The following ZMYND10 variants were observed in gnomAD, a reference collection of about 807,000 sequenced individuals.
ZMYND10 encodes zinc finger MYND-type containing 10, also known as zinc finger MYND domain-containing protein 10.
In ZMYND10, 52 loss-of-function variants were observed where a neutral mutation model predicts 62.6. That is an observed-to-expected ratio of 0.83 (90% CI 0.67 to 1.05). ZMYND10 has a LOEUF of 1.05. Ranked by LOEUF, ZMYND10 falls within the 50% of genes least tolerant of loss-of-function variation. ZMYND10 has a pLI of 0.00. For synonymous variants in ZMYND10, 197 were observed against 218.5 expected, an observed-to-expected ratio of 0.90 and a Z score of 0.87; for missense variants, 438 against 543.3, an observed-to-expected ratio of 0.81 and a Z score of 1.93.
intron 2 of ZMYND10, among the ~76,000 whole-genome samples, chr3:50,344,594 C>T (rs1201333420): frequency 1.3e-5 from 2 of 149,756 alleles, no homozygotes; most frequent in Non-Finnish European, 3.0e-5. Context: ...GCTGGGATAA[C>T]AGGCATGAGC....
chr3:50,344,237 A>G (rs1021701829), intron 2 of ZMYND10, among the ~76,000 whole-genome samples: 1 of 149,320 alleles, frequency 6.7e-6, no homozygotes, highest in African/African-American at 2.5e-5. Flanking sequence ...CCTCACTCCT[A>G]CTCAGGACCC....
chr3:50,341,208 A>C lies in ZMYND10; in HGVS notation c.*202T>G, dbSNP rs776804413. 1 of 686,522 alleles carries C rather than the reference A, an allele frequency of 1.5e-6. No homozygotes were observed. Among genetic ancestry groups the C allele is most frequent in the East Asian group, 2.7e-5 (1 of 36,800 alleles). 42.5% of individuals were successfully genotyped at this position (686,522 alleles called of 1,614,324 possible). A position where few individuals can be genotyped will look rare whatever the true frequency, so the allele number is the denominator to read the frequency against. The stretch of plus-strand genomic sequence containing the variant: ...TTTGCTGAAGCAACACACTTGGCCT[A>C]CCCACTGGGTGGGGCAGGAAGTCTC... On this transcript the variant is annotated 3_prime_UTR_variant, in exon 12 of 12. Transcript: ENST00000231749.
In ZMYND10 at chr3:50,345,460, G is replaced by C; in HGVS notation, c.92+28C>G. ...TCCCCGACTCAAGGACAATGACTCCGGGACTCCGCCTGACCCGGGTGCCTC... is the reference window on the plus strand; with the variant it reads ...TCCCCGACTCAAGGACAATGACTCCCGGACTCCGCCTGACCCGGGTGCCTC... On this transcript the variant is annotated intron_variant, in intron 1 of 11. Coordinates refer to ENST00000231749, the MANE Select transcript of ZMYND10 (RefSeq NM_015896.4). This position sits in a 1 kb window ranked among gnomAD's most constrained non-coding sequence, Gnocchi z 5.0. 1 of 1,566,258 alleles carries C rather than the reference G, an allele frequency of 6.4e-7. No homozygotes were observed. The highest frequency in any genetic ancestry group is 8.7e-7 in the Non-Finnish European group (1 of 1,155,178).
At position 50,345,408 on chromosome 3, in the gene ZMYND10, A is replaced by G; in HGVS notation, c.92+80T>C. 2 of 1,538,062 alleles carry G rather than the reference A, an allele frequency of 1.3e-6. No homozygotes were observed. The highest frequency in any genetic ancestry group is 4.9e-5 in the East Asian group (2 of 40,830). On this transcript the variant is annotated intron_variant, in intron 1 of 11. Coordinates refer to ENST00000231749, the MANE Select transcript of ZMYND10 (RefSeq NM_015896.4). The surrounding 1 kb of genome is among the most constrained non-coding windows in gnomAD (Gnocchi z 5.0). Reference sequence around the variant, plus strand: ...ATTTGGGAGCCCCTCCACACTGGGCAGCCCCTCCCCCGAGTCAGGCCCCAG... The same window carrying G: ...ATTTGGGAGCCCCTCCACACTGGGCGGCCCCTCCCCCGAGTCAGGCCCCAG...
In ZMYND10 at chr3:50,342,532, A is replaced by G. The variant is rs1703414675; in HGVS notation, c.738T>C (p.Thr246=). 1 of 1,613,868 alleles carries G rather than the reference A, an allele frequency of 6.2e-7. No homozygotes were observed. Among genetic ancestry groups the G allele is most frequent in the African/African-American group, 1.3e-5 (1 of 74,920 alleles). Residue 246 remains threonine (T), a synonymous_variant, in exon 8 of 12, where the codon ACT becomes ACC. Transcript: ENST00000231749. ...LQQFEGSRWH[T]VAPSEQQKLS... ...GCTTTTGCTGCTCTGAGGGGGCCACAGTATGCCAACGGCTGCCCTCGAACT... is the reference window on the plus strand; with the variant it reads ...GCTTTTGCTGCTCTGAGGGGGCCACGGTATGCCAACGGCTGCCCTCGAACT...
chr3:50,342,748 C>T (rs1703426413), intron 7 of ZMYND10, 170 bp downstream of exon 7: 5 of 1,468,612 alleles, frequency 3.4e-6, no homozygotes, highest in Admixed American at 4.7e-5. Context: ...GACACATGGG[C>T]CTGGCCTGCT....
chr3:50,344,804 A>ACCCCCCCCCCCCC (rs1324964799), intron 2 of ZMYND10: 3 of 22,164 alleles, frequency 1.4e-4, no homozygotes, highest in Non-Finnish European at 2.8e-4. Context: ...GCCCTCCCCA[A>ACCCCCCCCCCCCC]CCCCTCCCCA....
In ZMYND10 at chr3:50,345,429, C is replaced by T; in HGVS notation, c.92+59G>A. On this transcript the variant is annotated intron_variant, in intron 1 of 11. Coordinates refer to ENST00000231749, the MANE Select transcript of ZMYND10 (RefSeq NM_015896.4). The surrounding 1 kb of genome is among the most constrained non-coding windows in gnomAD (Gnocchi z 5.0). The stretch of plus-strand genomic sequence containing the variant: ...GGGCAGCCCCTCCCCCGAGTCAGGC[C>T]CCAGCTCCCCGACTCAAGGACAATG... 7.1e-6 allele frequency: 11 copies of T among 1,548,394 alleles called. No homozygotes were observed. The highest frequency in any genetic ancestry group is 9.6e-6 in the Non-Finnish European group (11 of 1,144,396).
rs371163357 is a variant in ZMYND10 at position 50,343,347 on chromosome 3, G to T, written c.470C>A (p.Pro157His). 2 of 1,613,134 alleles carry T rather than the reference G, an allele frequency of 1.2e-6. No individual in the cohort carries two copies. Among genetic ancestry groups the T allele is most frequent in the Non-Finnish European group, 1.7e-6 (2 of 1,179,556 alleles). The change falls in exon 5 of 12, where the codon CCC becomes CAC. Residue 157 changes from proline (P) to histidine (H), a missense_variant. Coordinates refer to ENST00000231749, the MANE Select transcript of ZMYND10 (RefSeq NM_015896.4). The stretch of plus-strand genomic sequence containing the variant: ...GTCCTGGGATCCCTCCCCCTCAGGG[G>T]GGCCACCACAGCCACTCTGGGCCAC... The part of the protein sequence containing the change: ...LLVAQSGCGG[P>H]PEGEGSQDSN...
chr3:50,344,016 C>A, intron 2 of ZMYND10, 166 bp from the exon 3 acceptor site: 1 of 625,116 alleles, frequency 1.6e-6, no homozygotes, highest in South Asian at 1.9e-5. Context: ...CACCTTGGAC[C>A]TTCATTACCA....
chr3:50,343,131 C>G lies in ZMYND10; in HGVS notation c.586G>C (p.Asp196His). ...CGGACTGCTCACCTGTCCACACAGT[C>G]TGTGATGTAGCGTAGTACTGAGAGG... is the stretch of plus-strand genomic sequence containing the variant. ...KALSVLRYIT[D>H]CVDSLSLSTL... Residue 196 changes from aspartate to histidine, a missense_variant, in exon 6 of 12, where the codon GAC becomes CAC. By Grantham distance (81) the Asp-to-His change is moderately conservative (BLOSUM62 -1). Coordinates refer to ENST00000231749, the MANE Select transcript of ZMYND10 (RefSeq NM_015896.4). 1.9e-6 allele frequency: 3 copies of G among 1,614,240 alleles called. No homozygotes were observed. Among genetic ancestry groups the G allele is most frequent in the Non-Finnish European group, 2.5e-6 (3 of 1,180,024 alleles).
intron 7 of ZMYND10, 42 bp from the exon 8 acceptor site, chr3:50,342,611 C>T (rs1460862377): frequency 6.3e-7 from 1 of 1,587,442 alleles, no homozygotes; most frequent in Non-Finnish European, 8.6e-7. Flanking sequence ...ACGTTGAATT[C>T]TCTTCAAGTG....
Position 50,345,732 on chromosome 3 carries a change from T to C in ZMYND10, c.-153A>G. The C allele has an allele frequency of 6.8e-7, 1 of 1,459,972 alleles. No homozygotes were observed. Among genetic ancestry groups the C allele is most frequent in the Middle Eastern group, 1.8e-4 (1 of 5,526 alleles). 90.4% of individuals were successfully genotyped at this position (1,459,972 alleles called of 1,614,324 possible). A position where few individuals can be genotyped will look rare whatever the true frequency, so the allele number is the denominator to read the frequency against. On this transcript the variant is annotated 5_prime_UTR_variant, in exon 1 of 12. Transcript: ENST00000231749. This position sits in a 1 kb window ranked among gnomAD's most constrained non-coding sequence, Gnocchi z 5.0. The stretch of plus-strand genomic sequence containing the variant: ...AGTTCTCGCAGCCATGGAAACGGGT[T>C]AGCCGCGCCTGCGCAGTGCGGCCTG...
Position 50,343,622 on chromosome 3 carries a change from A to G in ZMYND10, c.319-6T>C, listed in dbSNP as rs114377074. On this transcript the variant is annotated splice_polypyrimidine_tract_variant and splice_region_variant and intron_variant, in intron 3 of 11. Transcript: ENST00000231749. ...ATGGAGGCCTCGTGGTGCACCTGTC[A>G]GATAAAGAGAAGGACAGGGCCTGAG... 3,864 of 1,614,134 alleles carry G rather than the reference A, an allele frequency of 2.4e-3. 80 individuals carry two copies. The African/African-American group carries it at 0.046, about 19-fold the overall frequency.
rs1703514667 is a variant in ZMYND10, at chr3:50,345,464, C to A, written c.92+24G>T. ...CGACTCAAGGACAATGACTCCGGGA[C>A]TCCGCCTGACCCGGGTGCCTCACCC... is the stretch of plus-strand genomic sequence containing the variant. On this transcript the variant is annotated intron_variant, in intron 1 of 11. Coordinates refer to ENST00000231749, the MANE Select transcript of ZMYND10 (RefSeq NM_015896.4). This position sits in a 1 kb window ranked among gnomAD's most constrained non-coding sequence, Gnocchi z 5.0. 1 of 1,569,320 alleles carries A rather than the reference C, an allele frequency of 6.4e-7. No individual in the cohort carries two copies. The highest frequency in any genetic ancestry group is 1.8e-5 in the Admixed American group (1 of 54,224).
chr3:50,343,616 C>T lies in ZMYND10; in HGVS notation c.319G>A (p.Val107Met), dbSNP rs759658849. 2 of 1,614,096 alleles carry T rather than the reference C, an allele frequency of 1.2e-6. No homozygotes were observed. Among genetic ancestry groups the T allele is most frequent in the South Asian group, 1.1e-5 (1 of 91,080 alleles). ...PQNTFPIYMV[V>M]HHEASIINLL... The stretch of plus-strand genomic sequence containing the variant: ...TTGATGATGGAGGCCTCGTGGTGCA[C>T]CTGTCAGATAAAGAGAAGGACAGGG... Residue 107 changes from valine (V) to methionine (M), a missense_variant and splice_region_variant, in exon 4 of 12, where the codon GTG becomes ATG. Val to Met is a conservative substitution (Grantham distance 21, BLOSUM62 1). Coordinates refer to ENST00000231749, the MANE Select transcript of ZMYND10 (RefSeq NM_015896.4).
Position 50,341,877 on chromosome 3 carries a change from T to C in ZMYND10, c.1054A>G (p.Ile352Val), listed in dbSNP as rs1309302509. 3.1e-6 allele frequency: 5 copies of C among 1,614,148 alleles called. No individual in the cohort carries two copies. The highest frequency in any genetic ancestry group is 4.2e-6 in the Non-Finnish European group (5 of 1,180,032). ...ACATGCTGGAGCTGGTGCTTGGCAA[T>C]TGCCTGCCACTTGCCTCTGTTTTCT... ...ERENRGKWQA[I>V]AKHQLQHVFS... Residue 352 changes from isoleucine to valine, a missense_variant, in exon 10 of 12, where the codon ATT becomes GTT. Ile to Val is a conservative substitution (Grantham distance 29). Coordinates refer to ENST00000231749, the MANE Select transcript of ZMYND10 (RefSeq NM_015896.4).
In ZMYND10 at chr3:50,341,498, G is replaced by A; in HGVS notation, c.1248-13C>T. ...GACTTGGCACTCCCTGCAGGCAGGT[G>A]GGTATTGAGGATGGCAATGCATGTG... is the stretch of plus-strand genomic sequence containing the variant. On this transcript the variant is annotated splice_polypyrimidine_tract_variant and intron_variant, in intron 11 of 11. Transcript: ENST00000231749. 1 of 1,614,264 alleles carries A rather than the reference G, an allele frequency of 6.2e-7. No homozygotes were observed. The highest frequency in any genetic ancestry group is 1.6e-4 in the Middle Eastern group (1 of 6,062).
rs766376566 is a variant in ZMYND10, at chr3:50,343,464, A to G, written c.373-20T>C. 1.2e-6 allele frequency: 2 copies of G among 1,612,338 alleles called. No individual in the cohort carries two copies. Among genetic ancestry groups the G allele is most frequent in the Non-Finnish European group, 1.7e-6 (2 of 1,178,512 alleles). ...CACCTCCTGGGAAAAGGAGGAGGGA[A>G]ACTTTCTGTGTCTGATGCCTTCCCC... On this transcript the variant is annotated intron_variant, in intron 4 of 11. Transcript: ENST00000231749.
Sources: gnomAD v4.1 joint callset for allele counts (sites outside exome capture counted in the v4.1 genomes callset) on GRCh38, gnomAD v4.1.1 for gene constraint, Gnocchi (gnomAD v3.1) non-coding constraint, MANE v1.5 for transcripts, NCBI Gene and HGNC (gene_info 2026-07-23, HGNC 2026-07-21) for gene names.